CSTF3: variants seen among roughly 807,000 people sequenced by gnomAD.
The protein encoded by CSTF3 is cleavage stimulation factor subunit 3.
Under a neutral mutation model 105.8 loss-of-function variants are expected in CSTF3, and 29 were observed. The ratio of observed to expected loss-of-function variants is 0.27; its 90% CI spans 0.20 to 0.37. CSTF3 has a LOEUF of 0.37. CSTF3 is among the 10% of genes least tolerant of loss of function. The pLI is 1.00. For synonymous variants in CSTF3, 252 were observed against 281.9 expected, an observed-to-expected ratio of 0.89 and a Z score of 1.06; for missense variants, 357 against 879.3, an observed-to-expected ratio of 0.41 and a Z score of 7.51.
At chr11:33,115,150 C>T (rs1209759924) in intron 3 of CSTF3, among the ~76,000 whole-genome samples, 1 of 152,126 alleles carries the variant, frequency 6.6e-6, no homozygotes, top group Admixed American at 6.5e-5. Flanking sequence ...TAAAGTATAG[C>T]ACATAGACTT....
Position 33,090,553 on chromosome 11 carries a change from T to C in CSTF3, c.1620A>G (p.Glu540=), listed in dbSNP as rs765939126. Reference sequence around the variant, plus strand: ...ATACCTTATAACCAAGTGCTTTTAATTCACTTGCAGAGCAAGGATATAAAT... The same window carrying C: ...ATACCTTATAACCAAGTGCTTTTAACTCACTTGCAGAGCAAGGATATAAAT... ...FMDLYPCSAS[E]LKALGYKDVS... is the part of the protein sequence containing the mutation. The change falls in exon 17 of 21, where the codon GAA becomes GAG. Residue 540 remains glutamate, a synonymous_variant. Transcript: ENST00000323959. The C allele has an allele frequency of 1.9e-5, 30 of 1,597,022 alleles. No homozygotes were observed. Among genetic ancestry groups the C allele is most frequent in the Non-Finnish European group, 2.6e-5 (30 of 1,174,434 alleles).
In CSTF3 at chr11:33,085,987, G is replaced by C; in HGVS notation, c.1798C>G (p.Pro600Ala). The C allele has an allele frequency of 6.8e-7, 1 of 1,479,320 alleles. No individual in the cohort carries two copies. The highest frequency in any genetic ancestry group is 9.0e-7 in the Non-Finnish European group (1 of 1,116,342). 91.6% of individuals were successfully genotyped at this position (1,479,320 alleles called of 1,614,324 possible). ...CCACCAGGTACAGGGTGTAAACCTG[G>C]AGCTGTGAGAAAAAGAAAAGTATGA... ...IPFQPRHLAP[P>A]GLHPVPGGVF... The change falls in exon 19 of 21, where the codon CCA becomes GCA. Residue 600 changes from proline to alanine, a missense_variant and splice_region_variant. Transcript: ENST00000323959.
At chr11:33,087,167 TA>T in intron 17 of CSTF3, 26 bp from the exon 18 acceptor site, 1 of 1,610,508 alleles carries the variant, frequency 6.2e-7, no homozygotes, top group Non-Finnish European at 8.5e-7. Flanking sequence ...AGAAGAATCC[TA>T]AACCTGAAAA....
chr11:33,144,882 G>A (rs557569318), intron 1 of CSTF3: 11 of 252,770 alleles, frequency 4.4e-5, no homozygotes, highest in South Asian at 1.8e-4. Context: ...GGGAAGCTGC[G>A]GTGGGATCGC....
intron 1 of CSTF3, among the ~76,000 whole-genome samples, chr11:33,160,961 CG>C (rs1849932916): frequency 6.6e-6 from 1 of 152,094 alleles, no homozygotes; most frequent in Non-Finnish European, 1.5e-5. Context: ...TCTAAAACGT[CG>C]GGTGCACGTT....
rs574791401 is a variant in CSTF3 at position 33,146,954 on chromosome 11, C to T, written c.28-4968G>A. 3.3e-5 allele frequency among the ~76,000 whole-genome samples: 5 copies of T among 151,640 alleles called. No individual in the cohort carries two copies. In the East Asian group the frequency reaches 9.8e-4, roughly 30 times the overall value. On this transcript the variant is annotated intron_variant, in intron 1 of 20. Transcript: ENST00000323959. ...GCCAAGGCATGAGGACCGCTTGAGGCCAGAAGTTCAAGAGCAGCTGAGCAA... is the reference window on the plus strand; with the variant it reads ...GCCAAGGCATGAGGACCGCTTGAGGTCAGAAGTTCAAGAGCAGCTGAGCAA...
At chr11:33,153,254 C>A (rs746262041) in intron 1 of CSTF3, among the ~76,000 whole-genome samples, 3 of 151,984 alleles carry the variant, frequency 2.0e-5, no homozygotes, top group Non-Finnish European at 4.4e-5. Context: ...AAAATTTTAG[C>A]CTCACAGTTA....
At chr11:33,131,582 C>G (rs1363550009) in intron 3 of CSTF3, among the ~76,000 whole-genome samples, 2 of 152,116 alleles carry the variant, frequency 1.3e-5, no homozygotes, top group Non-Finnish European at 1.5e-5. Context: ...TGCGGTGGCT[C>G]ACGCCTGTAA....
chr11:33,161,392 A>G lies in CSTF3; in HGVS notation c.-67T>C. ...AAGCTAGAAAAGAAAAATTAAACTA[A>G]AAACCACCCCCAAATCAGTAAAGTT... is the stretch of plus-strand genomic sequence containing the variant. On this transcript the variant is annotated 5_prime_UTR_variant, in exon 1 of 21. Coordinates refer to ENST00000323959, the MANE Select transcript of CSTF3 (RefSeq NM_001326.3). The G allele has an allele frequency of 6.4e-7, 1 of 1,572,576 alleles. No homozygotes were observed.
At chr11:33,085,331 A>G in intron 20 of CSTF3, 42 bp from the exon 21 acceptor site, 2 of 1,465,098 alleles carry the variant, frequency 1.4e-6, no homozygotes, top group Non-Finnish European at 1.8e-6. Context: ...ATATTCCACT[A>G]TGAAAGGGTA....
intron 5 of CSTF3, 64 bp downstream of exon 5, chr11:33,107,839 T>A: frequency 1.1e-6 from 1 of 929,276 alleles, no homozygotes. Context: ...AAGGTGTGAG[T>A]TTATGTGGGA....
At chr11:33,086,020 G>A (rs754432948) in intron 18 of CSTF3, 31 bp from the exon 19 acceptor site, 32 of 1,345,276 alleles carry the variant, frequency 2.4e-5, no homozygotes, top group Non-Finnish European at 3.1e-5. Flanking sequence ...TGAATCAAGT[G>A]GAATGGAAGA....
At chr11:33,100,653 C>G (rs768835876) in intron 10 of CSTF3, among the ~76,000 whole-genome samples, 1 of 152,146 alleles carries the variant, frequency 6.6e-6, no homozygotes. Flanking sequence ...GATGAAAGTA[C>G]AGTATACTCT....
chr11:33,123,198 C>CA (rs1267915480), intron 3 of CSTF3, among the ~76,000 whole-genome samples: 6 of 146,862 alleles, frequency 4.1e-5, no homozygotes, highest in Non-Finnish European at 9.0e-5. Flanking sequence ...AAAAAAAAAA[C>CA]AAAAAAATGG....
At chr11:33,092,210 C>T in intron 16 of CSTF3, 61 bp downstream of exon 16, 1 of 1,205,156 alleles carries the variant, frequency 8.3e-7, no homozygotes, top group South Asian at 1.5e-5. Context: ...CCCCATAGAC[C>T]ACAATTCAGG....
intron 3 of CSTF3, among the ~76,000 whole-genome samples, chr11:33,128,395 A>AT (rs563739342): frequency 7.7e-4 from 115 of 148,536 alleles, no homozygotes; most frequent in East Asian, 2.3e-3. Context: ...TCAACATGTA[A>AT]TTTTTTTTTT....
intron 3 of CSTF3, among the ~76,000 whole-genome samples, chr11:33,137,455 A>G (rs1192903485): frequency 6.6e-6 from 1 of 151,854 alleles, no homozygotes; most frequent in Non-Finnish European, 1.5e-5. Flanking sequence ...TATAGAATGG[A>G]TAGGGAAAAG....
intron 3 of CSTF3, among the ~76,000 whole-genome samples, chr11:33,120,909 T>A (rs1855480539): frequency 1.3e-5 from 2 of 152,016 alleles, no homozygotes; most frequent in African/African-American, 4.8e-5. Flanking sequence ...AAACCTCACT[T>A]CAATAAAAAG....
chr11:33,097,333 A>C (rs1855232439), intron 13 of CSTF3, among the ~76,000 whole-genome samples: 1 of 152,196 alleles, frequency 6.6e-6, no homozygotes, highest in Non-Finnish European at 1.5e-5. Context: ...AATATCTAAA[A>C]AACTCAAGGG....
Sources: allele counts gnomAD v4.1 joint callset (sites outside exome capture counted in the v4.1 genomes callset), GRCh38; gene constraint gnomAD v4.1.1; transcripts MANE v1.5; gene names NCBI Gene and HGNC (gene_info 2026-07-23, HGNC 2026-07-21).